Variants in CDC20B observed in about 807,000 individuals in gnomAD.
CDC20B encodes the protein cell division cycle protein 20 homolog B.
In CDC20B, 58 loss-of-function variants were observed where a neutral mutation model predicts 64.1. That is an observed-to-expected ratio of 0.90 (90% CI 0.73 to 1.13). The LOEUF (loss-of-function observed/expected upper bound fraction) is 1.13, where lower values mean the gene tolerates loss of function less well. Ranked by LOEUF, CDC20B falls within the 50% of genes most tolerant of loss-of-function variation. The probability of loss-of-function intolerance (pLI) is 0.00; values close to 1 mark genes in which losing one functional copy is unlikely to be tolerated. For synonymous variants in CDC20B, 243 were observed against 230.6 expected (o/e 1.05, Z -0.49); for missense variants, 597 against 633.0 (o/e 0.94, Z 0.61).
chr5:55,129,623 T>A (rs57177129), intron 6 of CDC20B, among the ~76,000 whole-genome samples: 1 of 152,158 alleles, frequency 6.6e-6, no homozygotes, highest in Admixed American at 6.5e-5. Context: ...ATCTCAGCCT[T>A]ACCCCTAAAT....
At chr5:55,153,940 G>T (rs1311642041) in intron 2 of CDC20B, among the ~76,000 whole-genome samples, 1 of 152,142 alleles carries the variant, frequency 6.6e-6, no homozygotes, top group African/African-American at 2.4e-5. Flanking sequence ...TGAAATTATT[G>T]TAAAAAATCA....
rs748305718 is a variant in CDC20B at position 55,114,320 on chromosome 5, T to G, written c.1460-2A>C. ...GGTGCAGCACTCTGCCCCTGTGGCC[T>G]GGGGGAAGAAGGAAAGACAGTTCAT... On this transcript the variant is annotated splice_acceptor_variant, in intron 11 of 11. Coordinates refer to ENST00000381375, the MANE Select transcript of CDC20B (RefSeq NM_001170402.1). LOFTEE classifies it high-confidence loss of function. The surrounding 1 kb of genome is among the most constrained non-coding windows in gnomAD (Gnocchi z 4.1). 17 of 1,613,274 alleles carry G rather than the reference T, an allele frequency of 1.1e-5. No homozygotes were observed. In the Admixed American group the frequency reaches 2.7e-4, roughly 25 times the overall value.
At chr5:55,132,066 A>AG (rs1476527295) in intron 6 of CDC20B, among the ~76,000 whole-genome samples, 3 of 152,146 alleles carry the variant, frequency 2.0e-5, no homozygotes, top group Admixed American at 6.5e-5. Context: ...TTAAAAAAAA[A>AG]GAAAGAAAGA....
chr5:55,122,850 T>C (rs1742792160), intron 9 of CDC20B, among the ~76,000 whole-genome samples: 2 of 152,154 alleles, frequency 1.3e-5, no homozygotes. Flanking sequence ...TCCCACACTT[T>C]TAGCTTCCGA....
Position 55,146,666 on chromosome 5 carries a change from ACT to A in CDC20B, c.315_316del (p.Val106AlafsTer6), listed in dbSNP as rs1202015039. ...CTCTTTCTCAGGCGGTGTCTTCAGC[ACT>A]GATCCGGAAGCTTCTGGGAGGTAGG... is the stretch of plus-strand genomic sequence containing the variant. On this transcript the variant is annotated frameshift_variant, in exon 3 of 12. Transcript: ENST00000381375. LOFTEE classifies it high-confidence loss of function. The A allele has an allele frequency of 6.2e-7, 1 of 1,614,034 alleles. No homozygotes were observed. The highest frequency in any genetic ancestry group is 8.5e-7 in the Non-Finnish European group (1 of 1,180,034).
In CDC20B at chr5:55,114,453, G is replaced by A. The variant is rs1580332878; in HGVS notation, c.1460-135C>T. On this transcript the variant is annotated intron_variant, in intron 11 of 11. Transcript: ENST00000381375. This position sits in a 1 kb window ranked among gnomAD's most constrained non-coding sequence, Gnocchi z 4.1. ...CTTTCCCACACCCACCAGGTTCAGA[G>A]CTGCCACCAACTGAGCCATGCTGGG... 3 of 1,447,062 alleles carry A rather than the reference G, an allele frequency of 2.1e-6. No individual in the cohort carries two copies. Among genetic ancestry groups the A allele is most frequent in the African/African-American group, 2.8e-5 (2 of 70,284 alleles). The allele number at this position is 1,447,062 out of a possible 1,614,324, so 89.6% of individuals were successfully genotyped here.
intron 11 of CDC20B, among the ~76,000 whole-genome samples, chr5:55,118,160 A>G (rs1742668009): frequency 6.6e-6 from 1 of 152,004 alleles, no homozygotes; most frequent in Non-Finnish European, 1.5e-5. Flanking sequence ...AGAAGAAAAA[A>G]CTGTTCTAGC....
chr5:55,154,723 G>A (rs948818221), intron 2 of CDC20B, among the ~76,000 whole-genome samples: 3 of 151,950 alleles, frequency 2.0e-5, no homozygotes, highest in Non-Finnish European at 4.4e-5. Flanking sequence ...CCTGCACTAG[G>A]GACATATGGT....
At chr5:55,128,389 AC>A in intron 7 of CDC20B, 31 bp downstream of exon 7, 2 of 1,536,910 alleles carry the variant, frequency 1.3e-6, no homozygotes, top group Non-Finnish European at 1.8e-6. Context: ...TACACAGAGA[AC>A]ATGATGAGAA....
chr5:55,146,597 A>G, intron 3 of CDC20B, 31 bp downstream of exon 3: 7 of 1,510,544 alleles, frequency 4.6e-6, no homozygotes, highest in Non-Finnish European at 6.4e-6. Context: ...TCACGTTGCA[A>G]AACGGGGCTG....
intron 5 of CDC20B, among the ~76,000 whole-genome samples, chr5:55,135,056 G>A (rs1016864056): frequency 4.6e-5 from 7 of 152,212 alleles, no homozygotes; most frequent in African/African-American, 1.7e-4. Context: ...TGACCATGAT[G>A]TGTCAGTGTA....
At chr5:55,153,580 T>A (rs961606068) in intron 2 of CDC20B, among the ~76,000 whole-genome samples, 27 of 149,182 alleles carry the variant, frequency 1.8e-4, no homozygotes, top group African/African-American at 6.2e-4. Context: ...AGTCAGCAGA[T>A]CCACGTTAGC....
At chr5:55,119,749 A>G in intron 11 of CDC20B, 52 bp downstream of exon 11, 1 of 1,106,726 alleles carries the variant, frequency 9.0e-7, no homozygotes, top group Non-Finnish European at 1.4e-6. Flanking sequence ...TCCCCCCAAC[A>G]ACAGCTCACT....
chr5:55,164,131 G>A, intron 2 of CDC20B: 1 of 1,607,276 alleles, frequency 6.2e-7, no homozygotes, highest in Non-Finnish European at 8.5e-7. Context: ...TGAAGTTCTG[G>A]AAGCCAGAGG....
At chr5:55,119,771 G>T in intron 11 of CDC20B, 30 bp downstream of exon 11, 1 of 1,316,484 alleles carries the variant, frequency 7.6e-7, no homozygotes, top group Non-Finnish European at 1.1e-6. Flanking sequence ...TGCTATAGGT[G>T]CATGGCATTT....
At chr5:55,131,839 C>T (rs988637263) in intron 6 of CDC20B, among the ~76,000 whole-genome samples, 6 of 152,106 alleles carry the variant, frequency 3.9e-5, no homozygotes, top group South Asian at 2.1e-4. Flanking sequence ...CCAAGGCAGG[C>T]GGATCACTTG....
At chr5:55,160,436 C>T (rs1162769692) in intron 2 of CDC20B, 5 of 1,524,024 alleles carry the variant, frequency 3.3e-6, no homozygotes, top group Non-Finnish European at 3.6e-6. Flanking sequence ...ATCATTTTTC[C>T]TTGTCTCTGT....
chr5:55,151,203 A>G (rs1743658449), intron 2 of CDC20B, among the ~76,000 whole-genome samples: 1 of 152,232 alleles, frequency 6.6e-6, no homozygotes, highest in African/African-American at 2.4e-5. Flanking sequence ...ATTGAGACAC[A>G]TCGTCTCATT....
chr5:55,171,607 A>T (rs1024843959), intron 2 of CDC20B, among the ~76,000 whole-genome samples: 3 of 149,152 alleles, frequency 2.0e-5, no homozygotes, highest in Non-Finnish European at 4.5e-5. Context: ...TGAATACTGA[A>T]TTTTTTTTTT....
Sources: gnomAD v4.1 joint callset for allele counts (sites outside exome capture counted in the v4.1 genomes callset) on GRCh38, gnomAD v4.1.1 for gene constraint, Gnocchi (gnomAD v3.1) non-coding constraint, MANE v1.5 for transcripts, NCBI Gene and HGNC (gene_info 2026-07-23, HGNC 2026-07-21) for gene names.